Variants in CSMD1 observed in about 807,000 individuals in gnomAD.
CSMD1 encodes CUB and Sushi multiple domains 1.
Under a neutral mutation model 417.5 loss-of-function variants are expected in CSMD1, and 213 were observed. The observed-to-expected ratio is 0.51, with a 90% CI of 0.46 to 0.57. The LOEUF is 0.57. CSMD1 is among the 20% of genes least tolerant of loss of function. The pLI is 0.00. For synonymous variants in CSMD1, 2,862 were observed against 1,736.8 expected (o/e 1.65, Z -16.11); for missense variants, 6,923 against 4,529.7 (o/e 1.53, Z -15.17).
At chr8:3,521,376 G>A (rs10092000) in intron 10 of CSMD1, among the ~76,000 whole-genome samples, 33,303 of 151,952 alleles carry the variant, frequency 0.22, 4,665 homozygotes, top group African/African-American at 0.38. Flanking sequence ...TGTCAGCCCT[G>A]TTGTCTTCCC....
intron 3 of CSMD1, among the ~76,000 whole-genome samples, chr8:4,412,050 T>C (rs540647902): frequency 2.0e-5 from 3 of 151,952 alleles, no homozygotes. Flanking sequence ...AATATCTCAA[T>C]GTGCCTCTGA....
chr8:4,181,150 T>C (rs1798349703), intron 3 of CSMD1, among the ~76,000 whole-genome samples: 1 of 152,090 alleles, frequency 6.6e-6, no homozygotes, highest in South Asian at 2.1e-4. Flanking sequence ...TCTATTTTGG[T>C]GTATTTGCTT....
At chr8:3,399,751 C>G (rs1442705918) in intron 15 of CSMD1, among the ~76,000 whole-genome samples, 1 of 152,190 alleles carries the variant, frequency 6.6e-6, no homozygotes, top group African/African-American at 2.4e-5. Flanking sequence ...AGTTCTTTTT[C>G]TCTAGTAATG....
At chr8:3,150,088 G>C (rs776211701) in intron 40 of CSMD1, among the ~76,000 whole-genome samples, 40 of 152,222 alleles carry the variant, frequency 2.6e-4, no homozygotes, top group Admixed American at 1.4e-3. Flanking sequence ...AACAGTGGAA[G>C]CAACGTTGCT....
At chr8:4,740,625 A>C (rs902856896) in intron 1 of CSMD1, among the ~76,000 whole-genome samples, 2 of 152,236 alleles carry the variant, frequency 1.3e-5, no homozygotes, top group East Asian at 1.9e-4. Flanking sequence ...TGTGGAAGAC[A>C]CATCTACGAG....
chr8:4,441,290 G>A (rs1252118053), intron 2 of CSMD1, among the ~76,000 whole-genome samples: 3 of 143,450 alleles, frequency 2.1e-5, no homozygotes, highest in East Asian at 4.1e-4. Context: ...TTTGGTGGGG[G>A]GAGTAGAGAG....
At chr8:4,401,807 A>C (rs1585019131) in intron 3 of CSMD1, among the ~76,000 whole-genome samples, 1 of 150,598 alleles carries the variant, frequency 6.6e-6, no homozygotes, top group Non-Finnish European at 1.5e-5. Flanking sequence ...TCTCTCACTC[A>C]CCCCTCCGTT....
chr8:3,454,367 G>A (rs1488255290), intron 12 of CSMD1, among the ~76,000 whole-genome samples: 2 of 152,150 alleles, frequency 1.3e-5, no homozygotes, highest in Admixed American at 6.5e-5. Context: ...GATGTTAGCT[G>A]GTTATTTTGC....
chr8:3,826,028 A>G (rs557898213), intron 5 of CSMD1, among the ~76,000 whole-genome samples: 2 of 152,274 alleles, frequency 1.3e-5, no homozygotes, highest in East Asian at 1.9e-4. Flanking sequence ...TCAAAGGCCA[A>G]CGTGTTGTCT....
intron 53 of CSMD1, among the ~76,000 whole-genome samples, chr8:2,998,867 G>A (rs1321752720): frequency 6.6e-6 from 1 of 152,024 alleles, no homozygotes; most frequent in Non-Finnish European, 1.5e-5. Flanking sequence ...CATTTATCTT[G>A]TCAACAATTT....
At chr8:4,347,919 G>A (rs1200372958) in intron 3 of CSMD1, among the ~76,000 whole-genome samples, 1 of 152,008 alleles carries the variant, frequency 6.6e-6, no homozygotes, top group Non-Finnish European at 1.5e-5. Flanking sequence ...AATAAACAAG[G>A]ATAAAATAGG....
At chr8:3,221,648 G>C (rs1325052706) in intron 28 of CSMD1, among the ~76,000 whole-genome samples, 2 of 151,164 alleles carry the variant, frequency 1.3e-5, no homozygotes, top group African/African-American at 2.4e-5. Context: ...AACTAATTTT[G>C]GCTCCTTTGG....
At chr8:4,073,268 A>C (rs901637753) in intron 3 of CSMD1, among the ~76,000 whole-genome samples, 6 of 152,208 alleles carry the variant, frequency 3.9e-5, no homozygotes, top group Admixed American at 3.3e-4. Context: ...AAAATAGGCC[A>C]AAATTAGAGT....
At position 4,125,667 on chromosome 8, in the gene CSMD1, T is replaced by C. The variant is rs552256506; in HGVS notation, c.416-93568A>G. ...ACCAACTCTATGTTGCTTCTAACCT[T>C]TAAGTTGTCCTTGTTCATTCCTGGG... On this transcript the variant is annotated intron_variant, in intron 3 of 69. Transcript: ENST00000635120. Among the ~76,000 whole-genome samples, 8 of 152,352 alleles carry C rather than the reference T, an allele frequency of 5.3e-5. No individual in the cohort carries two copies. The East Asian group carries it at 1.2e-3, about 22-fold the overall frequency.
chr8:4,722,856 A>C (rs906646794), intron 1 of CSMD1, among the ~76,000 whole-genome samples: 6 of 152,120 alleles, frequency 3.9e-5, no homozygotes, highest in African/African-American at 9.7e-5. Context: ...ACTGCTTTAG[A>C]TATCTCAACA....
chr8:4,399,969 G>A (rs1178097577), intron 3 of CSMD1, among the ~76,000 whole-genome samples: 4 of 152,106 alleles, frequency 2.6e-5, no homozygotes, highest in Admixed American at 6.6e-5. Flanking sequence ...CAATGTATTA[G>A]CACCAGGTTG....
intron 5 of CSMD1, among the ~76,000 whole-genome samples, chr8:3,931,284 G>T (rs112397560): frequency 6.7e-6 from 1 of 150,342 alleles, no homozygotes; most frequent in African/African-American, 2.5e-5. Flanking sequence ...GTTAATAAAT[G>T]GTATTGTGAA....
At chr8:4,011,793 C>G (rs2130439348) in intron 4 of CSMD1, among the ~76,000 whole-genome samples, 1 of 152,164 alleles carries the variant, frequency 6.6e-6, no homozygotes, top group Non-Finnish European at 1.5e-5. Context: ...AATATTAAAA[C>G]CAAATAAAAA....
At chr8:3,791,175 G>T (rs948331709) in intron 5 of CSMD1, among the ~76,000 whole-genome samples, 1 of 152,124 alleles carries the variant, frequency 6.6e-6, no homozygotes, top group South Asian at 2.1e-4. Context: ...TATTTTAGGA[G>T]CATTTAGATG....
Sources: gnomAD v4.1 joint callset for allele counts (sites outside exome capture counted in the v4.1 genomes callset) on GRCh38, gnomAD v4.1.1 for gene constraint, MANE v1.5 for transcripts, NCBI Gene and HGNC (gene_info 2026-07-23, HGNC 2026-07-21) for gene names.